The following MAP6 variants were observed in gnomAD, a reference collection of about 807,000 sequenced individuals.
The protein encoded by MAP6 is microtubule-associated protein 6.
MAP6 carries 26 observed loss-of-function variants against 42.4 expected under a neutral mutation model. The observed-to-expected ratio is 0.61, with a 90% CI of 0.45 to 0.85. MAP6 has a LOEUF of 0.85. Among genes scored for constraint, MAP6 ranks in the 40% least tolerant of loss-of-function variants. The pLI, the probability that MAP6 is intolerant of heterozygous loss-of-function variation, is 0.00. For missense variants in MAP6, 966 were observed against 1,099.0 expected (o/e 0.88, Z 1.71); for synonymous variants, 418 against 443.8 (o/e 0.94, Z 0.73).
At chr11:75,612,993 C>G (rs919876359) in intron 1 of MAP6, among the ~76,000 whole-genome samples, 1 of 152,162 alleles carries the variant, frequency 6.6e-6, no homozygotes, top group East Asian at 1.9e-4. Flanking sequence ...TGACAGAATC[C>G]TACTCTTGAG....
intron 1 of MAP6, among the ~76,000 whole-genome samples, chr11:75,636,437 G>T (rs1212670713): frequency 2.6e-5 from 4 of 152,116 alleles, no homozygotes; most frequent in Admixed American, 2.6e-4. Context: ...CACCTGCTTT[G>T]CCTCTGTATT....
intron 2 of MAP6, chr11:75,607,633 G>T (rs777018641): frequency 1.0e-4 from 103 of 985,272 alleles, no homozygotes; most frequent in Non-Finnish European, 1.2e-4. Context: ...AGATGAGAGA[G>T]GGCAGGTGCT....
At chr11:75,619,134 AGTGT>A (rs2135608579) in intron 1 of MAP6, among the ~76,000 whole-genome samples, 1 of 152,166 alleles carries the variant, frequency 6.6e-6, no homozygotes. Context: ...AGTATGTGTG[AGTGT>A]GTGAGTGAGG....
At chr11:75,658,493 T>C (rs1943790643) in intron 1 of MAP6, among the ~76,000 whole-genome samples, 1 of 152,200 alleles carries the variant, frequency 6.6e-6, no homozygotes, top group African/African-American at 2.4e-5. Context: ...ACTATAATTT[T>C]ATTCTTATCA....
chr11:75,627,797 G>A (rs1478722325), intron 1 of MAP6, among the ~76,000 whole-genome samples: 2 of 152,088 alleles, frequency 1.3e-5, no homozygotes, highest in Non-Finnish European at 2.9e-5. Context: ...AATAAGTAGA[G>A]ATGTTAGAAT....
chr11:75,624,154 G>A (rs187276431), intron 1 of MAP6, among the ~76,000 whole-genome samples: 7 of 152,350 alleles, frequency 4.6e-5, no homozygotes, highest in Admixed American at 4.6e-4. Flanking sequence ...AACTCTAGGA[G>A]AAGTAATAGA....
chr11:75,591,165 AAAC>A (rs1473559190), intron 3 of MAP6, among the ~76,000 whole-genome samples: 4 of 152,198 alleles, frequency 2.6e-5, no homozygotes, highest in Non-Finnish European at 5.9e-5. Flanking sequence ...ACACATTTTT[AAAC>A]AACGATGGAA....
chr11:75,587,827 AGACTCTG>A lies in MAP6; in HGVS notation c.1667_1673del (p.Pro556LeufsTer2). ...GAATCCTAGGACCTTGATCCTTTAGAGACTCTGGTACCACAGAGCCTTGATCCTTAAC... is the reference window on the plus strand; with the variant it reads ...GAATCCTAGGACCTTGATCCTTTAGAGTACCACAGAGCCTTGATCCTTAAC... On this transcript the variant is annotated frameshift_variant, in exon 4 of 4. Coordinates refer to ENST00000304771, the MANE Select transcript of MAP6 (RefSeq NM_033063.2). LOFTEE classifies it low-confidence loss of function (END_TRUNC). 6.2e-7 allele frequency: 1 copy of A among 1,614,166 alleles called. No individual in the cohort carries two copies. The highest frequency in any genetic ancestry group is 1.1e-5 in the South Asian group (1 of 91,074).
chr11:75,590,236 T>A (rs1274474585), intron 3 of MAP6, among the ~76,000 whole-genome samples: 1 of 152,118 alleles, frequency 6.6e-6, no homozygotes, highest in Non-Finnish European at 1.5e-5. Context: ...AGGAAATTGA[T>A]TAGGTGTATT....
At chr11:75,595,228 T>C (rs1942557546) in intron 3 of MAP6, among the ~76,000 whole-genome samples, 1 of 152,200 alleles carries the variant, frequency 6.6e-6, no homozygotes, top group African/African-American at 2.4e-5. Flanking sequence ...GAAGCTTGCA[T>C]TGCAGTCAGC....
At chr11:75,621,419 A>G (rs892957921) in intron 1 of MAP6, among the ~76,000 whole-genome samples, 11 of 152,230 alleles carry the variant, frequency 7.2e-5, no homozygotes, top group African/African-American at 2.7e-4. Flanking sequence ...TACAACAAAC[A>G]TAATACTCAA....
chr11:75,600,391 A>G (rs954511975), intron 3 of MAP6, among the ~76,000 whole-genome samples: 3 of 152,234 alleles, frequency 2.0e-5, no homozygotes, highest in Non-Finnish European at 4.4e-5. Context: ...GGTAAATAAC[A>G]AAATACATAA....
chr11:75,639,256 A>G (rs1192982241), intron 1 of MAP6, among the ~76,000 whole-genome samples: 1 of 152,214 alleles, frequency 6.6e-6, no homozygotes, highest in East Asian at 1.9e-4. Context: ...TACCTAATAT[A>G]TCCATGTAAC....
intron 1 of MAP6, among the ~76,000 whole-genome samples, chr11:75,614,906 C>G (rs1158264034): frequency 1.3e-5 from 2 of 152,210 alleles, no homozygotes; most frequent in Admixed American, 6.5e-5. Context: ...TCCAGCAGAG[C>G]TGCAGCATGA....
In MAP6 at chr11:75,604,501, G is replaced by GT. The variant is rs3832742; in HGVS notation, c.1316+1306_1316+1307insA. On this transcript the variant is annotated intron_variant, in intron 3 of 3. Coordinates refer to ENST00000304771, the MANE Select transcript of MAP6 (RefSeq NM_033063.2). ...AATGCCGGGGACAAGAGGATTTTAA[G>GT]GACAGGAGATACAGAGTGTGCTGAG... 4.7e-3 allele frequency: 4,651 copies of GT among 985,434 alleles called. 130 individuals are homozygous for GT. The East Asian group carries it at 0.13, about 27-fold the overall frequency. 61.0% of individuals were successfully genotyped at this position (985,434 alleles called of 1,614,324 possible). A position where few individuals can be genotyped will look rare whatever the true frequency, so the allele number is the denominator to read the frequency against.
In MAP6 at chr11:75,587,625, T is replaced by G. The variant is rs769684846; in HGVS notation, c.1876A>C (p.Lys626Gln). 18 of 1,614,106 alleles carry G rather than the reference T, an allele frequency of 1.1e-5. No homozygotes were observed. Among genetic ancestry groups the G allele is most frequent in the Non-Finnish European group, 1.5e-5 (18 of 1,179,994 alleles). Residue 626 changes from lysine (K) to glutamine (Q), a missense_variant, in exon 4 of 4, where the codon AAG (lysine) becomes CAG (glutamine). By Grantham distance (53) the Lys-to-Gln change is moderately conservative (BLOSUM62 1). Transcript: ENST00000304771. ...GEGPIVPAPV[K>Q]DEGPMVSAPI... ...GCTGAGACCATGGGACCTTCATCCTTGACAGGTGCTGGGACTATGGGACCT... is the reference window on the plus strand; with the variant it reads ...GCTGAGACCATGGGACCTTCATCCTGGACAGGTGCTGGGACTATGGGACCT...
chr11:75,610,029 A>G (rs1199992024), intron 1 of MAP6, among the ~76,000 whole-genome samples: 1 of 152,148 alleles, frequency 6.6e-6, no homozygotes, highest in Admixed American at 6.5e-5. Flanking sequence ...GGTGGCTTTT[A>G]TAAGAAGAGG....
intron 1 of MAP6, among the ~76,000 whole-genome samples, chr11:75,613,709 G>C (rs575954427): frequency 2.0e-5 from 3 of 152,294 alleles, no homozygotes; most frequent in African/African-American, 7.2e-5. Context: ...GATATCCCCC[G>C]GTGGGTGGGT....
chr11:75,655,956 G>T (rs1385800139), intron 1 of MAP6, among the ~76,000 whole-genome samples: 1 of 152,214 alleles, frequency 6.6e-6, no homozygotes, highest in African/African-American at 2.4e-5. Context: ...AGGTCATTAT[G>T]AAGTCTACAG....
Sources: gnomAD v4.1 joint callset for allele counts (sites outside exome capture counted in the v4.1 genomes callset) on GRCh38, gnomAD v4.1.1 for gene constraint, MANE v1.5 for transcripts, NCBI Gene and HGNC (gene_info 2026-07-23, HGNC 2026-07-21) for gene names.